The following DNM1L variants were observed in gnomAD, a reference collection of about 807,000 sequenced individuals.
DNM1L encodes the protein dynamin 1L.
In DNM1L, 33 loss-of-function variants were observed where a neutral mutation model predicts 92.8. That is an observed-to-expected ratio of 0.36 (90% CI 0.27 to 0.48). The LOEUF (loss-of-function observed/expected upper bound fraction) is 0.48. DNM1L is among the 20% of genes least tolerant of loss of function. The pLI is 0.99. For synonymous variants in DNM1L, 284 were observed against 305.0 expected, an observed-to-expected ratio of 0.93 and a Z score of 0.72; for missense variants, 485 against 888.8, an observed-to-expected ratio of 0.55 and a Z score of 5.78.
At position 32,718,624 on chromosome 12, in the gene DNM1L, T is replaced by C; in HGVS notation, c.620-19T>C. 6.2e-7 allele frequency: 1 copy of C among 1,613,544 alleles called. No homozygotes were observed. On this transcript the variant is annotated intron_variant, in intron 6 of 19. Transcript: ENST00000549701. ...TTTTCTTTCTTTTCTTTGCCCTTTTTTCTTTTTGCATTTACCAGGTCGCAG... is the reference window on the plus strand; with the variant it reads ...TTTTCTTTCTTTTCTTTGCCCTTTTCTCTTTTTGCATTTACCAGGTCGCAG...
intron 9 of DNM1L, chr12:32,726,597 A>G (rs1954164312): frequency 2.6e-6 from 3 of 1,166,762 alleles, no homozygotes; most frequent in African/African-American, 1.5e-5. Context: ...TGCAGCAAGG[A>G]TAGCTTCAGC....
rs1217889845 is a variant in DNM1L at position 32,717,240 on chromosome 12, T to TTATATATAG, written c.620-1385_620-1377dup. ...ATATATAGTATATATTATATATATT[T>TTATATATAG]TATATATAGTATATATAGTATATAT... On this transcript the variant is annotated intron_variant, in intron 6 of 19. Transcript: ENST00000549701. 4.6e-3 allele frequency among the ~76,000 whole-genome samples: 495 copies of TTATATATAG among 108,068 alleles called. 12 individuals carry two copies. Among genetic ancestry groups the TTATATATAG allele is most frequent in the African/African-American group, 0.018 (466 of 26,418 alleles). 70.9% of individuals were successfully genotyped at this position (108,068 alleles called of 152,430 possible).
intron 5 of DNM1L, 74 bp from the exon 6 acceptor site, chr12:32,713,135 A>T (rs1322301237): frequency 4.8e-6 from 7 of 1,445,304 alleles, no homozygotes; most frequent in South Asian, 1.2e-5. Context: ...CCTATATTCT[A>T]TCGATTAAAT....
intron 12 of DNM1L, 168 bp from the exon 13 acceptor site, chr12:32,733,547 T>C: frequency 1.6e-6 from 1 of 619,210 alleles, no homozygotes; most frequent in East Asian, 2.8e-5. Flanking sequence ...GAGTAAATTA[T>C]TGTTTGGCAT....
chr12:32,740,573 A>G (rs1312396775), intron 18 of DNM1L, 55 bp downstream of exon 18: 6 of 1,451,788 alleles, frequency 4.1e-6, no homozygotes, highest in Non-Finnish European at 5.7e-6. Context: ...TGATTCTGTG[A>G]TCTGTTTTGA....
chr12:32,695,454 A>T (rs1050644701), intron 1 of DNM1L, among the ~76,000 whole-genome samples: 2 of 152,180 alleles, frequency 1.3e-5, no homozygotes, highest in African/African-American at 4.8e-5. Flanking sequence ...TTAAAAAATT[A>T]AGTGATAGTG....
chr12:32,684,224 T>G (rs1951909024), intron 1 of DNM1L, among the ~76,000 whole-genome samples: 1 of 152,186 alleles, frequency 6.6e-6, no homozygotes, highest in Non-Finnish European at 1.5e-5. Flanking sequence ...AGGTTTTGAT[T>G]TTATAAGCCC....
Position 32,701,448 on chromosome 12 carries a change from G to C in DNM1L, c.136G>C (p.Val46Leu). 1.2e-6 allele frequency: 2 copies of C among 1,614,042 alleles called. No homozygotes were observed. The highest frequency in any genetic ancestry group is 1.7e-6 in the Non-Finnish European group (2 of 1,179,918). The change falls in exon 2 of 20, where the codon GTG becomes CTG. Residue 46 changes from valine to leucine, a missense_variant. Val to Leu is a conservative substitution (Grantham distance 32). Coordinates refer to ENST00000549701, the MANE Select transcript of DNM1L (RefSeq NM_012062.5). ...AAAGAGCTCAGTGCTAGAAAGCCTG[G>C]TGGGGAGGGACCTGCTTCCCAGAGG... Reference protein sequence around the residue: ...SGKSSVLESLVGRDLLPRGTG... With the variant: ...SGKSSVLESLLGRDLLPRGTG...
Position 32,699,499 on chromosome 12 carries a change from A to G in DNM1L, c.103-1916A>G, listed in dbSNP as rs1484021151. On this transcript the variant is annotated intron_variant, in intron 1 of 19. Coordinates refer to ENST00000549701, the MANE Select transcript of DNM1L (RefSeq NM_012062.5). ...TAATAATAAAGGAATGTAAATTTAA[A>G]TGAGCTGTCGGTATCCATCTATCAA... 3.3e-5 allele frequency among the ~76,000 whole-genome samples: 5 copies of G among 152,206 alleles called. No individual in the cohort carries two copies. In the East Asian group the frequency reaches 9.6e-4, roughly 29 times the overall value.
chr12:32,739,826 AG>A, intron 16 of DNM1L: 1 of 511,456 alleles, frequency 2.0e-6, no homozygotes, highest in Non-Finnish European at 3.5e-6. Flanking sequence ...GGAATTAAAT[AG>A]AACATAAGTT....
chr12:32,690,961 C>T (rs1952204017), intron 1 of DNM1L, among the ~76,000 whole-genome samples: 1 of 152,088 alleles, frequency 6.6e-6, no homozygotes, highest in African/African-American at 2.4e-5. Context: ...TTATTCATTG[C>T]ATGTGTGCGC....
intron 1 of DNM1L, among the ~76,000 whole-genome samples, chr12:32,687,791 T>C (rs1952081515): frequency 6.6e-6 from 1 of 151,996 alleles, no homozygotes; most frequent in Non-Finnish European, 1.5e-5. Flanking sequence ...GGATTCTCAG[T>C]TCTATTCTGC....
At chr12:32,704,275 C>T (rs988807411) in intron 2 of DNM1L, among the ~76,000 whole-genome samples, 9 of 152,142 alleles carry the variant, frequency 5.9e-5, no homozygotes, top group South Asian at 2.1e-4. Flanking sequence ...ATAGGCCGGG[C>T]GCGGTGGCTC....
At chr12:32,679,548 C>T (rs1490610255) in intron 1 of DNM1L, 83 bp downstream of exon 1, 3 of 1,451,396 alleles carry the variant, frequency 2.1e-6, no homozygotes, top group Non-Finnish European at 2.8e-6. Context: ...ACTCCCGCGC[C>T]AGCGCCCACT....
rs1012906873 is a variant in DNM1L at position 32,720,525 on chromosome 12, T to C, written c.741-139T>C. On this transcript the variant is annotated intron_variant, in intron 7 of 19. Coordinates refer to ENST00000549701, the MANE Select transcript of DNM1L (RefSeq NM_012062.5). ...TGCTATACAATGGGGTAATAATACC[T>C]GCCACATAAAATTATTGTGAGAATT... The C allele has an allele frequency of 2.3e-6, 3 of 1,304,964 alleles. No homozygotes were observed. The African/African-American group carries it at 4.4e-5, about 19-fold the overall frequency. 80.8% of individuals were successfully genotyped at this position (1,304,964 alleles called of 1,614,324 possible).
intron 1 of DNM1L, among the ~76,000 whole-genome samples, chr12:32,681,138 G>A (rs1951785812): frequency 6.6e-6 from 1 of 152,146 alleles, no homozygotes; most frequent in Non-Finnish European, 1.5e-5. Flanking sequence ...CCATTAACAT[G>A]TGCAAAAACC....
intron 16 of DNM1L, among the ~76,000 whole-genome samples, chr12:32,739,033 G>C (rs1315547232): frequency 6.6e-6 from 1 of 151,842 alleles, no homozygotes; most frequent in African/African-American, 2.4e-5. Context: ...GATTTCATTT[G>C]GTATGTCATT....
chr12:32,717,127 T>TAC (rs1295119045), intron 6 of DNM1L, among the ~76,000 whole-genome samples: 3 of 128,444 alleles, frequency 2.3e-5, no homozygotes, highest in Non-Finnish European at 4.7e-5. Context: ...ATTTTATATA[T>TAC]ATACCTATGT....
intron 18 of DNM1L, among the ~76,000 whole-genome samples, chr12:32,741,667 A>G (rs1955302786): frequency 6.6e-6 from 1 of 152,202 alleles, no homozygotes; most frequent in African/African-American, 2.4e-5. Context: ...TCAACAGACC[A>G]CGTATTTGAA....
Sources: allele counts gnomAD v4.1 joint callset (sites outside exome capture counted in the v4.1 genomes callset), GRCh38; gene constraint gnomAD v4.1.1; transcripts MANE v1.5; gene names NCBI Gene and HGNC (gene_info 2026-07-23, HGNC 2026-07-21).